Variants in FAM81A observed in about 807,000 individuals in gnomAD.
FAM81A encodes family with sequence similarity 81 member A.
A neutral mutation model predicts 46.7 loss-of-function variants in FAM81A; 19 were observed. The observed-to-expected ratio is 0.41, with a 90% CI of 0.28 to 0.60. The LOEUF (loss-of-function observed/expected upper bound fraction) is 0.60, where lower values mean the gene tolerates loss of function less well. Among genes scored for constraint, FAM81A ranks in the 20% least tolerant of loss-of-function variants. The probability of loss-of-function intolerance (pLI) is 0.34; values close to 1 mark genes in which losing one functional copy is unlikely to be tolerated. For synonymous variants in FAM81A, 183 were observed against 152.9 expected (o/e 1.20, Z -1.45); for missense variants, 377 against 453.5 (o/e 0.83, Z 1.53).
intron 3 of FAM81A, among the ~76,000 whole-genome samples, chr15:59,489,163 G>A (rs1382022710): frequency 1.3e-5 from 2 of 152,040 alleles, no homozygotes; most frequent in African/African-American, 4.8e-5. Flanking sequence ...TACTCGGGAG[G>A]CTGAGGCAGG....
At chr15:59,481,235 C>T (rs1248047437) in intron 3 of FAM81A, among the ~76,000 whole-genome samples, 4 of 152,108 alleles carry the variant, frequency 2.6e-5, no homozygotes, top group Admixed American at 6.5e-5. Flanking sequence ...TGGGCTCAGG[C>T]AATCCTCCTG....
upstream of FAM81A, among the ~76,000 whole-genome samples, chr15:59,435,389 G>A (rs1432719161): frequency 6.6e-6 from 1 of 152,122 alleles, no homozygotes; most frequent in African/African-American, 2.4e-5. Context: ...GGATGCCGAG[G>A]CCGGCGGATC....
chr15:59,475,959 A>G (rs1202804552), intron 3 of FAM81A, among the ~76,000 whole-genome samples: 4 of 152,230 alleles, frequency 2.6e-5, no homozygotes, highest in Non-Finnish European at 1.5e-5. Flanking sequence ...AGCTTAAACA[A>G]CAGAAATTTC....
chr15:59,471,197 T>G (rs907968896), intron 3 of FAM81A, among the ~76,000 whole-genome samples: 1 of 152,228 alleles, frequency 6.6e-6, no homozygotes. Context: ...CTGATTTTCT[T>G]TCTTGTTCTA....
intron 3 of FAM81A, among the ~76,000 whole-genome samples, chr15:59,476,150 C>G (rs990474535): frequency 6.6e-6 from 1 of 152,084 alleles, no homozygotes; most frequent in Non-Finnish European, 1.5e-5. Flanking sequence ...AAGATTCTAC[C>G]CTCATGACCT....
At chr15:59,404,786 C>T (rs1471166847) in intron 2 of FAM81A, among the ~76,000 whole-genome samples, 3 of 152,222 alleles carry the variant, frequency 2.0e-5, no homozygotes, top group Non-Finnish European at 2.9e-5. Context: ...GGAATAACCT[C>T]AAGATCAGAT....
intron 2 of FAM81A, among the ~76,000 whole-genome samples, chr15:59,415,411 C>T (rs2141544575): frequency 6.6e-6 from 1 of 152,284 alleles, no homozygotes; most frequent in South Asian, 2.1e-4. Flanking sequence ...AGCCACCGCA[C>T]CCAGCAAAAG....
chr15:59,498,310 A>C (rs911301510), intron 4 of FAM81A, among the ~76,000 whole-genome samples: 42 of 152,226 alleles, frequency 2.8e-4, no homozygotes, highest in Non-Finnish European at 5.6e-4. Context: ...TATTGTAAAT[A>C]GCAAATCATT....
chr15:59,431,062 G>T (rs187576460), intron 2 of FAM81A, among the ~76,000 whole-genome samples: 1 of 151,968 alleles, frequency 6.6e-6, no homozygotes, highest in Non-Finnish European at 1.5e-5. Context: ...TGGTGCCTTT[G>T]ATCTCCATTT....
chr15:59,404,786 C>G (rs1471166847), intron 2 of FAM81A, among the ~76,000 whole-genome samples: 1 of 152,222 alleles, frequency 6.6e-6, no homozygotes, highest in Non-Finnish European at 1.5e-5. Context: ...GGAATAACCT[C>G]AAGATCAGAT....
chr15:59,466,275 C>T (rs987946117), intron 3 of FAM81A, among the ~76,000 whole-genome samples: 5 of 152,192 alleles, frequency 3.3e-5, no homozygotes, highest in East Asian at 1.9e-4. Flanking sequence ...CCTGAGGAAT[C>T]GCCACACTGT....
At chr15:59,423,418 AC>A (rs1361156380) in intron 2 of FAM81A, among the ~76,000 whole-genome samples, 4 of 152,190 alleles carry the variant, frequency 2.6e-5, no homozygotes, top group African/African-American at 9.7e-5. Context: ...ATTATTATTA[AC>A]TTTTGATAGA....
intron 4 of FAM81A, among the ~76,000 whole-genome samples, chr15:59,503,509 A>G (rs538860575): frequency 1.3e-5 from 2 of 152,080 alleles, no homozygotes; most frequent in African/African-American, 4.8e-5. Context: ...ACATAGATCT[A>G]GCATGCTTTT....
intron 1 of FAM81A, among the ~76,000 whole-genome samples, chr15:59,447,828 A>G (rs551467008): frequency 6.6e-6 from 1 of 152,294 alleles, no homozygotes; most frequent in Non-Finnish European, 1.5e-5. Flanking sequence ...AGGTAGCCTC[A>G]AGACCATGGA....
chr15:59,473,619 G>A (rs550355259), intron 3 of FAM81A, among the ~76,000 whole-genome samples: 32 of 152,140 alleles, frequency 2.1e-4, no homozygotes, highest in Non-Finnish European at 3.4e-4. Context: ...TGTTCCCTTT[G>A]CTTACGGGGG....
At chr15:59,501,779 A>G (rs2082093391) in intron 4 of FAM81A, among the ~76,000 whole-genome samples, 1 of 152,206 alleles carries the variant, frequency 6.6e-6, no homozygotes, top group Non-Finnish European at 1.5e-5. Context: ...GAAAATTTGG[A>G]ATGAGTACAT....
intron 2 of FAM81A, among the ~76,000 whole-genome samples, chr15:59,459,466 G>A (rs2081523761): frequency 6.6e-6 from 1 of 152,086 alleles, no homozygotes; most frequent in Non-Finnish European, 1.5e-5. Flanking sequence ...CCTTTAGCTG[G>A]GAAATGCCCT....
chr15:59,454,233 G>A (rs1389194629), intron 1 of FAM81A, among the ~76,000 whole-genome samples: 3 of 152,104 alleles, frequency 2.0e-5, no homozygotes, highest in Non-Finnish European at 4.4e-5. Context: ...TATTCTGATG[G>A]TTGGGCATAA....
chr15:59,494,114 A>C (rs2082009837), intron 4 of FAM81A, among the ~76,000 whole-genome samples: 1 of 152,230 alleles, frequency 6.6e-6, no homozygotes, highest in South Asian at 2.1e-4. Context: ...TCTGGAAAAC[A>C]GTAGATACTC....
Sources: gnomAD v4.1 joint callset for allele counts (sites outside exome capture counted in the v4.1 genomes callset) on GRCh38, gnomAD v4.1.1 for gene constraint, MANE v1.5 for transcripts, NCBI Gene and HGNC (gene_info 2026-07-23, HGNC 2026-07-21) for gene names.